MSH4: variants seen among roughly 807,000 people sequenced by gnomAD.
MSH4 encodes mutS protein homolog 4.
A neutral mutation model predicts 113.7 loss-of-function variants in MSH4; 106 were observed. The ratio of observed to expected loss-of-function variants is 0.93; its 90% CI spans 0.80 to 1.10. The LOEUF (loss-of-function observed/expected upper bound fraction) is 1.10. Among genes scored for constraint, MSH4 ranks in the 50% least tolerant of loss-of-function variants. MSH4 has a pLI of 0.00. For missense variants in MSH4, 1,061 were observed against 1,093.7 expected (o/e 0.97, Z 0.42); for synonymous variants, 368 against 380.2 (o/e 0.97, Z 0.37).
At position 75,853,304 on chromosome 1, in the gene MSH4, A is replaced by C. The variant is rs868099625; in HGVS notation, c.1230+5028A>C. Reference sequence around the variant, plus strand: ...GGCCTCAAACTCCTGACCTCAAGTGATCTGCCTGCCTCAGCCTCCCAAAGT... The same window carrying C: ...GGCCTCAAACTCCTGACCTCAAGTGCTCTGCCTGCCTCAGCCTCCCAAAGT... On this transcript the variant is annotated intron_variant, in intron 8 of 19. Transcript: ENST00000263187. 2.0e-5 allele frequency among the ~76,000 whole-genome samples: 3 copies of C among 152,194 alleles called. No homozygotes were observed. In the Middle Eastern group the frequency reaches 0.01, roughly 521 times the overall value.
Position 75,898,081 on chromosome 1 carries a change from G to A in MSH4, c.2530G>A (p.Gly844Arg). 1 of 1,555,432 alleles carries A rather than the reference G, an allele frequency of 6.4e-7. No individual in the cohort carries two copies. The highest frequency in any genetic ancestry group is 8.7e-7 in the Non-Finnish European group (1 of 1,149,366). ...SKGLTEEKNY[G>R]LKAAEVSSLP... ...GGGACTCACAGAAGAGAAAAATTAT[G>A]GTACTGCATATAGAAATTATACCTA... The change falls in exon 18 of 20, where the codon GGA becomes AGA. Residue 844 changes from glycine to arginine, a missense_variant and splice_region_variant. Gly to Arg is a moderately radical substitution (Grantham distance 125). Transcript: ENST00000263187.
chr1:75,859,559 T>C (rs1557512823), intron 8 of MSH4, among the ~76,000 whole-genome samples: 1 of 152,234 alleles, frequency 6.6e-6, no homozygotes, highest in East Asian at 1.9e-4. Context: ...AGTTTCCATG[T>C]AGTTGTGTGG....
chr1:75,802,876 C>G (rs1649970318), intron 1 of MSH4, among the ~76,000 whole-genome samples: 1 of 152,146 alleles, frequency 6.6e-6, no homozygotes, highest in Non-Finnish European at 1.5e-5. Context: ...GGTGGAGTCT[C>G]TGTAGAGTCC....
At chr1:75,861,274 A>G (rs931485018) in intron 8 of MSH4, among the ~76,000 whole-genome samples, 1 of 152,184 alleles carries the variant, frequency 6.6e-6, no homozygotes, top group African/African-American at 2.4e-5. Context: ...TCAAGTCGTC[A>G]AACTCATTCT....
At chr1:75,799,407 G>A (rs1649889333) in intron 1 of MSH4, among the ~76,000 whole-genome samples, 1 of 152,140 alleles carries the variant, frequency 6.6e-6, no homozygotes, top group African/African-American at 2.4e-5. Context: ...AGAGAAGACA[G>A]ACTTAAAAAT....
intron 1 of MSH4, among the ~76,000 whole-genome samples, chr1:75,798,627 A>G (rs1264400539): frequency 2.7e-5 from 4 of 149,884 alleles, no homozygotes; most frequent in African/African-American, 9.9e-5. Flanking sequence ...CATGGTCATG[A>G]CTCACTGCAG....
At chr1:75,811,597 T>C (rs1230074336) in intron 4 of MSH4, among the ~76,000 whole-genome samples, 2 of 152,186 alleles carry the variant, frequency 1.3e-5, no homozygotes, top group African/African-American at 4.8e-5. Context: ...ATGTACTGCC[T>C]TCCAGTTAGC....
chr1:75,800,781 A>G (rs762031681), intron 1 of MSH4, among the ~76,000 whole-genome samples: 15 of 152,180 alleles, frequency 9.9e-5, no homozygotes, highest in South Asian at 6.2e-4. Context: ...CTGGGAAGAT[A>G]CCTAAAGGTT....
chr1:75,798,983 T>C (rs1239308138), intron 1 of MSH4, among the ~76,000 whole-genome samples: 3 of 152,194 alleles, frequency 2.0e-5, no homozygotes, highest in Admixed American at 2.0e-4. Flanking sequence ...AGGTAAAAGA[T>C]CAAACTCTCT....
chr1:75,820,946 A>G (rs1570947898), intron 6 of MSH4, among the ~76,000 whole-genome samples: 2 of 151,276 alleles, frequency 1.3e-5, no homozygotes, highest in African/African-American at 4.9e-5. Flanking sequence ...ACTCCCACAC[A>G]ATAATAATGG....
chr1:75,829,160 C>G (rs1435815241), intron 7 of MSH4, among the ~76,000 whole-genome samples: 2 of 152,190 alleles, frequency 1.3e-5, no homozygotes, highest in Non-Finnish European at 2.9e-5. Context: ...CTTGGAGGGT[C>G]CCACGTCCAT....
intron 15 of MSH4, among the ~76,000 whole-genome samples, chr1:75,885,865 A>G (rs1652082388): frequency 7.7e-6 from 1 of 129,278 alleles, no homozygotes; most frequent in Non-Finnish European, 1.5e-5. Context: ...GTAATGTATT[A>G]TATGTATTAT....
At chr1:75,821,696 C>A (rs1650415648) in intron 6 of MSH4, among the ~76,000 whole-genome samples, 1 of 152,148 alleles carries the variant, frequency 6.6e-6, no homozygotes. Context: ...GCAGCCTTGA[C>A]CTCCTGGGCT....
intron 8 of MSH4, among the ~76,000 whole-genome samples, chr1:75,854,011 G>A (rs71502711): frequency 0.26 from 28,992 of 112,074 alleles, 4,204 homozygotes; most frequent in East Asian, 0.56. Flanking sequence ...AAGTGTGTGT[G>A]TGTATATATA....
At chr1:75,885,053 G>GTATATATATATATATATA (rs1440812710) in intron 15 of MSH4, among the ~76,000 whole-genome samples, 106 of 103,626 alleles carry the variant, frequency 1.0e-3, no homozygotes, top group African/African-American at 2.9e-3. Flanking sequence ...GTGTGTGTGT[G>GTATATATATATATATATA]TGTGTGTATA....
intron 3 of MSH4, among the ~76,000 whole-genome samples, chr1:75,809,015 C>T (rs1194746145): frequency 6.6e-6 from 1 of 152,150 alleles, no homozygotes; most frequent in Non-Finnish European, 1.5e-5. Context: ...CCTCCCACCT[C>T]AGCCTCTTGA....
chr1:75,817,596 CA>C (rs1650320116), intron 6 of MSH4, among the ~76,000 whole-genome samples: 1 of 152,080 alleles, frequency 6.6e-6, no homozygotes. Flanking sequence ...TTGAAAGGAA[CA>C]ATTGAAAAGT....
chr1:75,912,923 G>A lies in MSH4; in HGVS notation c.*36G>A. ...AATGTAATAATATATCTTAATTCAAGGAACCTAGAATTTATTTTTCTCCTT... is the reference window on the plus strand; with the variant it reads ...AATGTAATAATATATCTTAATTCAAAGAACCTAGAATTTATTTTTCTCCTT... On this transcript the variant is annotated 3_prime_UTR_variant, in exon 20 of 20. Coordinates refer to ENST00000263187, the MANE Select transcript of MSH4 (RefSeq NM_002440.4). The A allele has an allele frequency of 1.6e-6, 2 of 1,285,052 alleles. No homozygotes were observed. Among genetic ancestry groups the A allele is most frequent in the Non-Finnish European group, 2.1e-6 (2 of 973,112 alleles). 79.6% of individuals were successfully genotyped at this position (1,285,052 alleles called of 1,614,324 possible).
intron 7 of MSH4, among the ~76,000 whole-genome samples, chr1:75,839,004 A>G (rs938240347): frequency 6.6e-6 from 1 of 152,102 alleles, no homozygotes; most frequent in Non-Finnish European, 1.5e-5. Context: ...TAACAGTTTA[A>G]CATATTTGTT....
Sources: allele counts gnomAD v4.1 joint callset (sites outside exome capture counted in the v4.1 genomes callset), GRCh38; gene constraint gnomAD v4.1.1; transcripts MANE v1.5; gene names NCBI Gene and HGNC (gene_info 2026-07-23, HGNC 2026-07-21).